COL19A1: variants seen among roughly 807,000 people sequenced by gnomAD.
The protein encoded by COL19A1 is collagen alpha-1(XIX) chain.
In COL19A1, 159 loss-of-function variants were observed where a neutral mutation model predicts 190.2. The observed-to-expected ratio is 0.84, with a 90% CI of 0.73 to 0.95. COL19A1 has a LOEUF of 0.95. Among genes scored for constraint, COL19A1 ranks in the 40% least tolerant of loss-of-function variants. COL19A1 has a pLI of 0.00. For missense variants in COL19A1, 1,418 were observed against 1,431.9 expected (o/e 0.99, Z 0.16); for synonymous variants, 509 against 458.9 (o/e 1.11, Z -1.39).
intron 48 of COL19A1, among the ~76,000 whole-genome samples, chr6:70,193,676 G>A (rs1304309072): frequency 6.6e-6 from 1 of 151,918 alleles, no homozygotes; most frequent in Non-Finnish European, 1.5e-5. Context: ...AAGACTCCAT[G>A]TGTGATAGCC....
At chr6:70,146,913 T>C in intron 27 of COL19A1, 24 bp downstream of exon 27, 1 of 1,541,546 alleles carries the variant, frequency 6.5e-7, no homozygotes, top group South Asian at 1.3e-5. Flanking sequence ...ATTCGAGTCC[T>C]TGTTGATTCC....
At chr6:70,136,196 C>T (rs1785857547) in intron 18 of COL19A1, among the ~76,000 whole-genome samples, 1 of 152,058 alleles carries the variant, frequency 6.6e-6, no homozygotes, top group African/African-American at 2.4e-5. Context: ...CAGAAAATCA[C>T]AAGACATGGA....
intron 15 of COL19A1, among the ~76,000 whole-genome samples, chr6:70,096,914 A>C (rs960275244): frequency 2.6e-5 from 4 of 152,124 alleles, no homozygotes; most frequent in African/African-American, 9.7e-5. Context: ...AATCCCAGCT[A>C]CTCAGAAGAG....
intron 22 of COL19A1, 121 bp downstream of exon 22, chr6:70,142,197 C>T (rs969756336): frequency 5.7e-6 from 5 of 875,132 alleles, no homozygotes; most frequent in Admixed American, 4.9e-5. Flanking sequence ...AAGACTTTAT[C>T]CTGTTTCCAT....
intron 34 of COL19A1, among the ~76,000 whole-genome samples, chr6:70,159,378 T>C (rs1388396053): frequency 6.6e-6 from 1 of 151,858 alleles, no homozygotes; most frequent in Non-Finnish European, 1.5e-5. Context: ...TACCGATATG[T>C]AGAGCCTGCA....
At chr6:70,038,017 T>C (rs1779444105) in intron 14 of COL19A1, among the ~76,000 whole-genome samples, 1 of 152,168 alleles carries the variant, frequency 6.6e-6, no homozygotes, top group South Asian at 2.1e-4. Context: ...TATCAACTCT[T>C]CCCTACAAAA....
intron 11 of COL19A1, among the ~76,000 whole-genome samples, chr6:69,995,322 A>G (rs570878113): frequency 3.3e-5 from 5 of 152,326 alleles, no homozygotes; most frequent in East Asian, 3.9e-4. Context: ...TTCTGAGAGT[A>G]TATTAGCCAA....
chr6:69,921,436 C>CATATATATCATATATATCATATATG (rs1561998237), intron 4 of COL19A1, among the ~76,000 whole-genome samples: 4 of 121,328 alleles, frequency 3.3e-5, no homozygotes, highest in African/African-American at 1.5e-4. Flanking sequence ...TCATATATAT[C>CATATATATCATATATATCATATATG]ATATATATCA....
chr6:70,002,044 ATAAC>A (rs1210316794), intron 11 of COL19A1, among the ~76,000 whole-genome samples: 1 of 152,190 alleles, frequency 6.6e-6, no homozygotes, highest in African/African-American at 2.4e-5. Flanking sequence ...TGTTCCATCA[ATAAC>A]TAGTTTATTG....
intron 14 of COL19A1, among the ~76,000 whole-genome samples, chr6:70,037,700 A>G (rs1331252114): frequency 6.6e-6 from 1 of 152,214 alleles, no homozygotes; most frequent in African/African-American, 2.4e-5. Context: ...TGCAATCTAC[A>G]TATATTATTT....
At chr6:70,076,184 G>A (rs1185014652) in intron 15 of COL19A1, among the ~76,000 whole-genome samples, 1 of 152,024 alleles carries the variant, frequency 6.6e-6, no homozygotes, top group Non-Finnish European at 1.5e-5. Context: ...CTAGCTAAAG[G>A]GGTACTATAG....
At chr6:69,965,101 A>G (rs1466196356) in intron 11 of COL19A1, among the ~76,000 whole-genome samples, 1 of 152,228 alleles carries the variant, frequency 6.6e-6, no homozygotes, top group Non-Finnish European at 1.5e-5. Context: ...TATTTTCTGA[A>G]CAAAGTCAAT....
chr6:70,093,837 G>A (rs2150178500), intron 15 of COL19A1, among the ~76,000 whole-genome samples: 1 of 152,254 alleles, frequency 6.6e-6, no homozygotes, highest in South Asian at 2.1e-4. Context: ...GTTTTGAAAA[G>A]CCACATTAGT....
At chr6:70,095,320 C>A (rs1429825246) in intron 15 of COL19A1, among the ~76,000 whole-genome samples, 3 of 152,048 alleles carry the variant, frequency 2.0e-5, no homozygotes, top group African/African-American at 7.2e-5. Flanking sequence ...TTAAAAAACT[C>A]ATATCCACAG....
chr6:69,872,603 T>G (rs1767908166), intron 1 of COL19A1, among the ~76,000 whole-genome samples: 1 of 152,242 alleles, frequency 6.6e-6, no homozygotes. Flanking sequence ...CAATGGCGTT[T>G]TAAAATTCAC....
intron 48 of COL19A1, among the ~76,000 whole-genome samples, chr6:70,198,849 G>A (rs1767372009): frequency 6.6e-6 from 1 of 152,152 alleles, no homozygotes; most frequent in Non-Finnish European, 1.5e-5. Context: ...CTCTAATGAA[G>A]TTGCAGTCAG....
At chr6:69,933,009 T>G (rs1772880622) in intron 7 of COL19A1, 146 bp downstream of exon 7, 1 of 526,946 alleles carries the variant, frequency 1.9e-6, no homozygotes, top group African/African-American at 2.0e-5. Context: ...GAAGCATTCA[T>G]AGTGCTTTCT....
intron 13 of COL19A1, 57 bp downstream of exon 13, chr6:70,034,355 T>G: frequency 7.7e-7 from 1 of 1,290,452 alleles, no homozygotes. Flanking sequence ...TGACAACCTA[T>G]GCAGTGACTT....
At chr6:69,903,435 A>T (rs1474770911) in intron 4 of COL19A1, among the ~76,000 whole-genome samples, 2 of 152,088 alleles carry the variant, frequency 1.3e-5, no homozygotes, top group African/African-American at 4.8e-5. Flanking sequence ...GCTAAAGTGG[A>T]TGTCTGCACC....
Sources: allele counts gnomAD v4.1 joint callset (sites outside exome capture counted in the v4.1 genomes callset), GRCh38; gene constraint gnomAD v4.1.1; transcripts MANE v1.5; gene names NCBI Gene and HGNC (gene_info 2026-07-23, HGNC 2026-07-21).